The following LARGE1 variants were observed in gnomAD, a reference collection of about 807,000 sequenced individuals.
LARGE1 encodes the protein LARGE xylosyl- and glucuronyltransferase 1.
In LARGE1, 43 loss-of-function variants were observed where a neutral mutation model predicts 87.6. That is an observed-to-expected ratio of 0.49 (90% CI 0.38 to 0.63). The LOEUF (loss-of-function observed/expected upper bound fraction) is 0.63. Among genes scored for constraint, LARGE1 ranks in the 30% least tolerant of loss-of-function variants. The pLI is 0.00. For missense variants in LARGE1, 802 were observed against 1,000.2 expected, an observed-to-expected ratio of 0.80 and a Z score of 2.67; for synonymous variants, 434 against 394.6, an observed-to-expected ratio of 1.10 and a Z score of -1.18.
chr22:33,080,871 C>A, the LARGE1 span, among the ~76,000 whole-genome samples: 1 of 152,122 alleles, frequency 6.6e-6, no homozygotes, highest in African/African-American at 2.4e-5. Context: ...AGAAACTTTT[C>A]TTCTATGCCT....
Position 33,605,631 on chromosome 22 carries a change from C to T in LARGE1, c.492-1073G>A, listed in dbSNP as rs573832293. Among the ~76,000 whole-genome samples, 32 of 152,244 alleles carry T rather than the reference C, an allele frequency of 2.1e-4. No individual in the cohort carries two copies. In the South Asian group the frequency reaches 5.2e-3, roughly 25 times the overall value. On this transcript the variant is annotated intron_variant, in intron 4 of 14. Transcript: ENST00000397394. The stretch of plus-strand genomic sequence containing the variant: ...CCTACTGGCTAGATACAAAGCAATA[C>T]GTCAGTCAAGAACTACTAGCATAAA...
the LARGE1 span, among the ~76,000 whole-genome samples, chr22:33,088,691 T>C: frequency 6.6e-6 from 1 of 152,132 alleles, no homozygotes; most frequent in Non-Finnish European, 1.5e-5. Flanking sequence ...CATACTTTCG[T>C]CTGTTTGTTT....
At chr22:33,412,958 G>A (rs982195139) in intron 7 of LARGE1, among the ~76,000 whole-genome samples, 2 of 152,180 alleles carry the variant, frequency 1.3e-5, no homozygotes, top group Admixed American at 1.3e-4. Flanking sequence ...ACCGTGCCCG[G>A]CCTTGATTTT....
chr22:33,318,128 C>T (rs993778050), intron 10 of LARGE1, among the ~76,000 whole-genome samples: 8 of 150,636 alleles, frequency 5.3e-5, no homozygotes, highest in Non-Finnish European at 7.4e-5. Context: ...CCCAGCTACT[C>T]GGGAGGCTGA....
At chr22:33,375,662 G>A (rs1278472629) in intron 9 of LARGE1, among the ~76,000 whole-genome samples, 2 of 152,176 alleles carry the variant, frequency 1.3e-5, no homozygotes, top group African/African-American at 2.4e-5. Flanking sequence ...GGCAGGTGCA[G>A]GAACATTAGG....
intron 1 of LARGE1, among the ~76,000 whole-genome samples, chr22:33,901,878 C>T (rs200804560): frequency 7.9e-5 from 12 of 152,056 alleles, no homozygotes; most frequent in East Asian, 7.7e-4. Context: ...ATTTGGGAAG[C>T]GGATTTTTGG....
intron 2 of LARGE1, among the ~76,000 whole-genome samples, chr22:33,736,609 T>C (rs2149497751): frequency 6.6e-6 from 1 of 152,362 alleles, no homozygotes; most frequent in Non-Finnish European, 1.5e-5. Flanking sequence ...GAAGGAACCC[T>C]CTGAAACACA....
At chr22:33,316,003 C>A (rs926180426) in intron 11 of LARGE1, 82 bp downstream of exon 11, 6 of 1,470,994 alleles carry the variant, frequency 4.1e-6, no homozygotes, top group Non-Finnish European at 5.6e-6. Context: ...CACTGGGAAG[C>A]AGGCACACCC....
chr22:33,240,582 T>C (rs943881297), intron 11 of LARGE1, among the ~76,000 whole-genome samples: 3 of 152,236 alleles, frequency 2.0e-5, no homozygotes, highest in Admixed American at 6.5e-5. Context: ...ATGGTAAGTT[T>C]TGAGATCAGG....
At chr22:33,645,379 T>C (rs1184494973) in intron 3 of LARGE1, among the ~76,000 whole-genome samples, 2 of 152,208 alleles carry the variant, frequency 1.3e-5, no homozygotes, top group Non-Finnish European at 2.9e-5. Context: ...CTGGAAAAAC[T>C]GGCTAGCCAT....
chr22:33,396,594 G>A (rs1485519967), intron 7 of LARGE1, among the ~76,000 whole-genome samples: 1 of 152,038 alleles, frequency 6.6e-6, no homozygotes, highest in African/African-American at 2.4e-5. Context: ...GAATGGAATG[G>A]GGTGTGGTCA....
At chr22:33,439,132 T>C (rs2067377270) in intron 6 of LARGE1, among the ~76,000 whole-genome samples, 1 of 151,380 alleles carries the variant, frequency 6.6e-6, no homozygotes, top group Non-Finnish European at 1.5e-5. Context: ...GAGAATCGCT[T>C]GAACTTGGGA....
At chr22:33,447,296 T>G (rs2067721733) in intron 6 of LARGE1, among the ~76,000 whole-genome samples, 1 of 152,206 alleles carries the variant, frequency 6.6e-6, no homozygotes. Context: ...ATTCTTTCTT[T>G]TAGAGATATT....
intron 11 of LARGE1, among the ~76,000 whole-genome samples, chr22:33,200,243 A>G (rs1397446259): frequency 3.9e-5 from 6 of 152,208 alleles, no homozygotes; most frequent in Admixed American, 3.9e-4. Context: ...ACAGATAAAT[A>G]TAGTAAATAA....
At chr22:33,801,419 T>C (rs527261240) in intron 1 of LARGE1, among the ~76,000 whole-genome samples, 1 of 152,316 alleles carries the variant, frequency 6.6e-6, no homozygotes, top group East Asian at 1.9e-4. Flanking sequence ...AGGTGTGTAA[T>C]GGTAGCTAAT....
chr22:33,637,027 C>A (rs1039777406), intron 3 of LARGE1, among the ~76,000 whole-genome samples: 1 of 152,186 alleles, frequency 6.6e-6, no homozygotes, highest in Non-Finnish European at 1.5e-5. Context: ...AAGTTCTTTT[C>A]TTCTTCTCTC....
chr22:33,113,003 T>G, the LARGE1 span, among the ~76,000 whole-genome samples: 3 of 152,164 alleles, frequency 2.0e-5, no homozygotes, highest in Admixed American at 2.0e-4. Flanking sequence ...CATGCTCTAT[T>G]AAATGCATTC....
At chr22:33,183,009 C>T (rs931010441) in intron 11 of LARGE1, among the ~76,000 whole-genome samples, 9 of 151,796 alleles carry the variant, frequency 5.9e-5, no homozygotes, top group African/African-American at 1.2e-4. Context: ...AGGAAACAGT[C>T]GACAAAATGA....
intron 9 of LARGE1, among the ~76,000 whole-genome samples, chr22:33,363,291 T>A (rs1311216857): frequency 2.0e-5 from 3 of 149,936 alleles, no homozygotes; most frequent in Admixed American, 2.0e-4. Flanking sequence ...CTGGGTAATT[T>A]ATAAAGAAAA....
Sources: allele counts gnomAD v4.1 joint callset (sites outside exome capture counted in the v4.1 genomes callset), GRCh38; gene constraint gnomAD v4.1.1; transcripts MANE v1.5; gene names NCBI Gene and HGNC (gene_info 2026-07-23, HGNC 2026-07-21).